Variants in SEMA3D observed in about 807,000 individuals in gnomAD.
The protein encoded by SEMA3D is semaphorin 3D.
Under a neutral mutation model 100.1 loss-of-function variants are expected in SEMA3D, and 84 were observed. The ratio of observed to expected loss-of-function variants is 0.84; its 90% CI spans 0.70 to 1.01. The LOEUF is 1.01. Ranked by LOEUF, SEMA3D falls within the 50% of genes least tolerant of loss-of-function variation. The probability of loss-of-function intolerance (pLI) is 0.00; values close to 1 mark genes in which losing one functional copy is unlikely to be tolerated. For missense variants in SEMA3D, 875 were observed against 934.1 expected, an observed-to-expected ratio of 0.94 and a Z score of 0.82; for synonymous variants, 312 against 320.7, an observed-to-expected ratio of 0.97 and a Z score of 0.29.
chr7:85,205,319 A>T, the SEMA3D span, among the ~76,000 whole-genome samples: 1,022 of 152,224 alleles, frequency 6.7e-3, 16 homozygotes, highest in African/African-American at 0.024. Context: ...GTAGATTTTA[A>T]ATGTTCTCAC....
At position 85,042,180 on chromosome 7, in the gene SEMA3D, C is replaced by T; in HGVS notation, c.967G>A (p.Asp323Asn). ...PGSDGADTYF[D>N]ELQDIYLLPT... Reference sequence around the variant, plus strand: ...GAAAGAAGGAACTTACGAAGCTCATCAAAGTAAGTATCTGCCCCATCACTT... The same window carrying T: ...GAAAGAAGGAACTTACGAAGCTCATTAAAGTAAGTATCTGCCCCATCACTT... The change falls in exon 10 of 19, where the codon GAT (aspartate) becomes AAT (asparagine). Residue 323 changes from aspartate to asparagine, a missense_variant. Physicochemically the swap from Asp to Asn is conservative, Grantham distance 23. Coordinates refer to ENST00000284136, the MANE Select transcript of SEMA3D (RefSeq NM_001384900.1). The T allele has an allele frequency of 6.2e-7, 1 of 1,609,262 alleles. No individual in the cohort carries two copies. Among genetic ancestry groups the T allele is most frequent in the Non-Finnish European group, 8.5e-7 (1 of 1,175,856 alleles).
intron 4 of SEMA3D, among the ~76,000 whole-genome samples, chr7:85,095,983 G>A (rs1261295618): frequency 6.6e-6 from 1 of 151,804 alleles, no homozygotes; most frequent in Non-Finnish European, 1.5e-5. Context: ...TCAGATAAAG[G>A]GAATTTTTCT....
the SEMA3D span, among the ~76,000 whole-genome samples, chr7:85,237,661 C>A: frequency 1.3e-5 from 2 of 152,130 alleles, no homozygotes; most frequent in African/African-American, 4.8e-5. Context: ...TGATGTACCC[C>A]AATTTTTTAT....
chr7:85,018,502 C>G (rs1482334468), intron 14 of SEMA3D, among the ~76,000 whole-genome samples: 1 of 151,656 alleles, frequency 6.6e-6, no homozygotes, highest in Non-Finnish European at 1.5e-5. Flanking sequence ...TTTGTAGTAT[C>G]TTATTAAAGA....
intron 1 of SEMA3D, among the ~76,000 whole-genome samples, chr7:85,173,426 A>G (rs957419679): frequency 6.6e-6 from 1 of 152,036 alleles, no homozygotes; most frequent in African/African-American, 2.4e-5. Context: ...GATCTATTGC[A>G]CTGTGCCCCA....
At chr7:85,242,142 T>C in the SEMA3D span, among the ~76,000 whole-genome samples, 1 of 152,300 alleles carries the variant, frequency 6.6e-6, no homozygotes, top group East Asian at 1.9e-4. Flanking sequence ...TTTGGTTTTG[T>C]TGATTTTCTG....
intron 1 of SEMA3D, among the ~76,000 whole-genome samples, chr7:85,159,487 G>C (rs571202111): frequency 1.3e-5 from 2 of 152,146 alleles, no homozygotes; most frequent in Middle Eastern, 6.8e-3. Flanking sequence ...TCCATCCTCT[G>C]GTCATATACA....
the SEMA3D span, among the ~76,000 whole-genome samples, chr7:85,192,485 C>A: frequency 6.6e-6 from 1 of 152,034 alleles, no homozygotes; most frequent in Non-Finnish European, 1.5e-5. Context: ...CACTTCTAAT[C>A]TTCACCCTTA....
chr7:85,099,331 A>C (rs1052720046), intron 3 of SEMA3D, among the ~76,000 whole-genome samples: 2 of 151,842 alleles, frequency 1.3e-5, no homozygotes, highest in African/African-American at 4.8e-5. Context: ...TGGTTTTATA[A>C]GGGGAAACCC....
At chr7:85,191,779 A>G (rs1791698626), upstream of SEMA3D, among the ~76,000 whole-genome samples, 1 of 152,154 alleles carries the variant, frequency 6.6e-6, no homozygotes. Flanking sequence ...CCACAGTGAA[A>G]TCAGTATCCC....
intron 13 of SEMA3D, among the ~76,000 whole-genome samples, chr7:85,020,599 T>A (rs1790228704): frequency 6.6e-6 from 1 of 151,550 alleles, no homozygotes; most frequent in African/African-American, 2.4e-5. Context: ...TATATATGTA[T>A]AATTTAAATA....
chr7:85,048,439 T>A (rs1280525488), intron 9 of SEMA3D, among the ~76,000 whole-genome samples: 1 of 151,784 alleles, frequency 6.6e-6, no homozygotes, highest in African/African-American at 2.4e-5. Flanking sequence ...CATGACATGG[T>A]AGAAACAAAA....
intron 12 of SEMA3D, 39 bp downstream of exon 12, chr7:85,036,850 G>A: frequency 1.3e-6 from 2 of 1,520,566 alleles, no homozygotes; most frequent in Non-Finnish European, 1.8e-6. Flanking sequence ...TTAAATATGA[G>A]CTTAAGAAAA....
intron 18 of SEMA3D, among the ~76,000 whole-genome samples, chr7:85,005,708 T>G (rs1343098948): frequency 6.6e-6 from 1 of 151,876 alleles, no homozygotes; most frequent in African/African-American, 2.4e-5. Flanking sequence ...GACTGTGCAT[T>G]GTAGGATTTT....
intron 1 of SEMA3D, among the ~76,000 whole-genome samples, chr7:85,168,945 C>T (rs1018591941): frequency 6.6e-6 from 1 of 151,418 alleles, no homozygotes; most frequent in Non-Finnish European, 1.5e-5. Context: ...GGAATTCAAA[C>T]CAGCTTGTGC....
At chr7:85,078,550 G>A (rs1463788203) in intron 5 of SEMA3D, among the ~76,000 whole-genome samples, 1 of 152,108 alleles carries the variant, frequency 6.6e-6, no homozygotes, top group East Asian at 1.9e-4. Context: ...CAGAACTAAA[G>A]ACATTTCTTT....
At chr7:85,206,041 T>C in the SEMA3D span, among the ~76,000 whole-genome samples, 1 of 152,060 alleles carries the variant, frequency 6.6e-6, no homozygotes, top group South Asian at 2.1e-4. Context: ...TTAGCTGAGT[T>C]CCGTGAAAAC....
At chr7:85,176,747 C>A (rs1791239331) in intron 1 of SEMA3D, among the ~76,000 whole-genome samples, 1 of 148,874 alleles carries the variant, frequency 6.7e-6, no homozygotes, top group African/African-American at 2.5e-5. Flanking sequence ...TGTAAAGTAA[C>A]ATGTATATAT....
intron 13 of SEMA3D, among the ~76,000 whole-genome samples, chr7:85,021,850 T>C (rs1371134924): frequency 6.6e-6 from 1 of 151,790 alleles, no homozygotes; most frequent in African/African-American, 2.4e-5. Flanking sequence ...GTTACTGAGT[T>C]GACAGACAAA....
Sources: allele counts gnomAD v4.1 joint callset (sites outside exome capture counted in the v4.1 genomes callset), GRCh38; gene constraint gnomAD v4.1.1; transcripts MANE v1.5; gene names NCBI Gene and HGNC (gene_info 2026-07-23, HGNC 2026-07-21).